The following XPNPEP1 variants were observed in gnomAD, a reference collection of about 807,000 sequenced individuals.
XPNPEP1 encodes the protein xaa-Pro aminopeptidase 1.
In XPNPEP1, 39 loss-of-function variants were observed where a neutral mutation model predicts 92.4. The ratio of observed to expected loss-of-function variants is 0.42; its 90% CI spans 0.33 to 0.55. XPNPEP1 has a LOEUF of 0.55. Ranked by LOEUF, XPNPEP1 falls within the 20% of genes least tolerant of loss-of-function variation. The pLI, the probability that XPNPEP1 is intolerant of heterozygous loss-of-function variation, is 0.08. For synonymous variants in XPNPEP1, 307 were observed against 299.4 expected, an observed-to-expected ratio of 1.03 and a Z score of -0.26; for missense variants, 654 against 856.1, an observed-to-expected ratio of 0.76 and a Z score of 2.95.
intron 3 of XPNPEP1, among the ~76,000 whole-genome samples, chr10:109,901,444 T>C (rs1849285411): frequency 6.6e-6 from 1 of 152,156 alleles, no homozygotes; most frequent in South Asian, 2.1e-4. Context: ...TTCTTGTACT[T>C]CTCTCCCTCT....
intron 7 of XPNPEP1, 99 bp from the exon 8 acceptor site, chr10:109,886,440 T>G (rs1589577493): frequency 1.8e-6 from 2 of 1,103,020 alleles, no homozygotes; most frequent in East Asian, 5.1e-5. Flanking sequence ...TCAGCACCAT[T>G]TCTTACAGGA....
chr10:109,879,452 C>T (rs537976322), intron 12 of XPNPEP1, among the ~76,000 whole-genome samples: 2 of 151,872 alleles, frequency 1.3e-5, no homozygotes, highest in East Asian at 3.9e-4. Context: ...CGCCTATAAT[C>T]CCAGCTACTT....
rs1055702731 is a variant in XPNPEP1, at chr10:109,870,593, G to A, written c.1696+138C>T. 91 of 1,160,446 alleles carry A rather than the reference G, an allele frequency of 7.8e-5. No homozygotes were observed. In the Middle Eastern group the frequency reaches 2.1e-3, roughly 27 times the overall value. 71.9% of individuals were successfully genotyped at this position (1,160,446 alleles called of 1,614,324 possible). ...TTTTTTCTAAAATGAACATGTATCA[G>A]TTCTATAATCAGAAAAGTTTGTTGG... On this transcript the variant is annotated intron_variant, in intron 18 of 20. Coordinates refer to ENST00000502935, the MANE Select transcript of XPNPEP1 (RefSeq NM_020383.4).
intron 20 of XPNPEP1, among the ~76,000 whole-genome samples, chr10:109,868,364 C>G (rs1847255947): frequency 6.6e-6 from 1 of 151,664 alleles, no homozygotes; most frequent in Non-Finnish European, 1.5e-5. Flanking sequence ...CACCCACAAA[C>G]CCTACAGCCC....
rs1286706592 is a variant in XPNPEP1, at chr10:109,891,380, C to T, written c.415+342G>A. On this transcript the variant is annotated intron_variant, in intron 5 of 20. Coordinates refer to ENST00000502935, the MANE Select transcript of XPNPEP1 (RefSeq NM_020383.4). ...TTTCTGGCTTCTGTTGCCAATGACT[C>T]CTTGCCTTTATCTCACTCTGAATCA... The T allele has an allele frequency of 2.3e-4, 40 of 174,428 alleles. 1 individual carries two copies. Among genetic ancestry groups the T allele is most frequent in the Non-Finnish European group, 7.2e-5 (6 of 83,072 alleles). The allele number at this position is 174,428 out of a possible 1,614,324, so 10.8% of individuals were successfully genotyped here.
chr10:109,908,952 A>AT (rs2133534838), intron 2 of XPNPEP1, among the ~76,000 whole-genome samples: 1 of 152,278 alleles, frequency 6.6e-6, no homozygotes, highest in African/African-American at 2.4e-5. Context: ...CAGGGCCTCA[A>AT]TGCTCTGTGT....
intron 3 of XPNPEP1, among the ~76,000 whole-genome samples, chr10:109,902,588 AAGAC>A (rs1849341242): frequency 1.3e-5 from 2 of 152,244 alleles, no homozygotes; most frequent in Non-Finnish European, 2.9e-5. Context: ...CCACGTATGT[AAGAC>A]AGACAGCTAA....
At chr10:109,897,010 G>C (rs1025513536) in intron 3 of XPNPEP1, among the ~76,000 whole-genome samples, 4 of 152,130 alleles carry the variant, frequency 2.6e-5, no homozygotes, top group Admixed American at 2.0e-4. Flanking sequence ...TTATCTAATG[G>C]GGAAAAGATC....
rs1310463262 is a variant in XPNPEP1 at position 109,864,838 on chromosome 10, A to G, written c.*346T>C. On this transcript the variant is annotated 3_prime_UTR_variant, in exon 21 of 21. Coordinates refer to ENST00000502935, the MANE Select transcript of XPNPEP1 (RefSeq NM_020383.4). ...GCATTAAGGTGATCATGAATGATGT[A>G]CTAGCACCTGGAACATGACCATCAT... 1 of 317,158 alleles carries G rather than the reference A, an allele frequency of 3.2e-6. No homozygotes were observed. The highest frequency in any genetic ancestry group is 6.1e-6 in the Non-Finnish European group (1 of 164,066). 19.6% of individuals were successfully genotyped at this position (317,158 alleles called of 1,614,324 possible).
At chr10:109,899,538 C>T (rs1461205591) in intron 3 of XPNPEP1, among the ~76,000 whole-genome samples, 2 of 152,206 alleles carry the variant, frequency 1.3e-5, no homozygotes, top group Non-Finnish European at 2.9e-5. Context: ...AGATGTGTTA[C>T]CACAGCTAGC....
intron 20 of XPNPEP1, among the ~76,000 whole-genome samples, chr10:109,865,580 C>T (rs1564739557): frequency 6.6e-6 from 1 of 152,364 alleles, no homozygotes; most frequent in Non-Finnish European, 1.5e-5. Context: ...GTAGCTCCTG[C>T]TCCCACCTGT....
At position 109,900,593 on chromosome 10, in the gene XPNPEP1, A is replaced by G. The variant is rs143999788; in HGVS notation, c.246+7098T>C. ...GTCCACATTTAATCCAGGTTGTACT[A>G]CTTCTCCAAATCCTACCCCTCCTCT... is the stretch of plus-strand genomic sequence containing the variant. On this transcript the variant is annotated intron_variant, in intron 3 of 20. Transcript: ENST00000502935. Among the ~76,000 whole-genome samples the G allele has an allele frequency of 1.3e-3, 204 of 152,154 alleles. 1 individual carries two copies. Among genetic ancestry groups the G allele is most frequent in the African/African-American group, 4.4e-3 (181 of 41,524 alleles).
Position 109,868,696 on chromosome 10 carries a change from C to T in XPNPEP1, c.1790G>A (p.Arg597Gln), listed in dbSNP as rs766853519. 1.7e-5 allele frequency: 27 copies of T among 1,613,726 alleles called. No individual in the cohort carries two copies. Among genetic ancestry groups the T allele is most frequent in the Middle Eastern group, 1.6e-4 (1 of 6,084 alleles). Reference protein sequence around the residue: ...PVKTKYNFNNRGSLTFEPLTL... With the variant: ...PVKTKYNFNNQGSLTFEPLTL... ...TAGAGGTTCAAAGGTCAGGCTTCCC[C>T]GGTTATTAAAATTATACTGCGGGAG... Residue 597 changes from arginine (R) to glutamine (Q), a missense_variant, in exon 20 of 21, where the codon CGG becomes CAG. Transcript: ENST00000502935.
chr10:109,868,023 C>G (rs1272174023), intron 20 of XPNPEP1, among the ~76,000 whole-genome samples: 4 of 152,198 alleles, frequency 2.6e-5, no homozygotes, highest in Non-Finnish European at 4.4e-5. Context: ...AGTTAAGACC[C>G]ATAACCCTCT....
chr10:109,868,781 C>A, intron 19 of XPNPEP1, 69 bp from the exon 20 acceptor site: 1 of 1,428,840 alleles, frequency 7.0e-7, no homozygotes, highest in Admixed American at 1.7e-5. Context: ...TGAGGTCATT[C>A]CACCAGCATG....
chr10:109,888,169 C>T lies in XPNPEP1; in HGVS notation c.532G>A (p.Val178Ile). The change falls in exon 7 of 21, where the codon GTT becomes ATT. Residue 178 changes from valine to isoleucine, a missense_variant. Transcript: ENST00000502935. ...PTDYWKKMAK[V>I]LRSAGHHLIP... ...AGGTGATGGCCGGCACTTCTCAGAA[C>T]TTTGGCCATTTTCTTCCAATAATCT... is the stretch of plus-strand genomic sequence containing the variant. The T allele has an allele frequency of 6.2e-7, 1 of 1,613,258 alleles. No individual in the cohort carries two copies. Among genetic ancestry groups the T allele is most frequent in the South Asian group, 1.1e-5 (1 of 91,018 alleles).
chr10:109,891,096 AAC>A (rs1848680737), intron 5 of XPNPEP1, among the ~76,000 whole-genome samples: 4 of 152,228 alleles, frequency 2.6e-5, no homozygotes, highest in Admixed American at 2.0e-4. Flanking sequence ...ATTAAATGAA[AAC>A]ACAGAGTATA....
chr10:109,894,022 A>ATAG (rs1355920885), intron 3 of XPNPEP1: 3 of 152,294 alleles, frequency 2.0e-5, no homozygotes, highest in African/African-American at 7.2e-5. Context: ...TTACAAGTTA[A>ATAG]TAGTAGGTCA....
rs1306655097 is a variant in XPNPEP1, at chr10:109,870,824, C to G, written c.1603G>C (p.Gly535Arg). The stretch of plus-strand genomic sequence containing the variant: ...CCCTCATGGACATTCAAAAAAGACC[C>G]AACACCATGTCCAGTCCCGTGCAAG... Reference protein sequence around the residue: ...DYLHGTGHGVGSFLNVHEGPC... With the variant: ...DYLHGTGHGVRSFLNVHEGPC... The change falls in exon 18 of 21, where the codon GGG (glycine) becomes CGG (arginine). Residue 535 changes from glycine (G) to arginine (R), a missense_variant. Physicochemically the swap from Gly to Arg is moderately radical, Grantham distance 125 (BLOSUM62 -2). Coordinates refer to ENST00000502935, the MANE Select transcript of XPNPEP1 (RefSeq NM_020383.4). 6.2e-7 allele frequency: 1 copy of G among 1,614,110 alleles called. No homozygotes were observed. The highest frequency in any genetic ancestry group is 8.5e-7 in the Non-Finnish European group (1 of 1,180,012).
Sources: gnomAD v4.1 joint callset for allele counts (sites outside exome capture counted in the v4.1 genomes callset) on GRCh38, gnomAD v4.1.1 for gene constraint, MANE v1.5 for transcripts, NCBI Gene and HGNC (gene_info 2026-07-23, HGNC 2026-07-21) for gene names.